HS3ST5: variants seen among roughly 807,000 people sequenced by gnomAD.
HS3ST5 encodes the protein heparan sulfate glucosamine 3-O-sulfotransferase 5.
HS3ST5 carries 10 observed loss-of-function variants against 25.4 expected under a neutral mutation model. The observed-to-expected ratio is 0.39, with a 90% CI of 0.24 to 0.67. The LOEUF is 0.67. Ranked by LOEUF, HS3ST5 falls within the 30% of genes least tolerant of loss-of-function variation. The pLI, the probability that HS3ST5 is intolerant of heterozygous loss-of-function variation, is 0.44. For synonymous variants in HS3ST5, 170 were observed against 162.4 expected (o/e 1.05, Z -0.36); for missense variants, 324 against 420.7 (o/e 0.77, Z 2.01).
At chr6:114,287,542 C>A (rs1774390008) in intron 1 of HS3ST5, among the ~76,000 whole-genome samples, 1 of 151,978 alleles carries the variant, frequency 6.6e-6, no homozygotes, top group Non-Finnish European at 1.5e-5. Context: ...GTTGTTTAAT[C>A]CATGTAACAT....
intron 2 of HS3ST5, among the ~76,000 whole-genome samples, chr6:114,195,810 G>T (rs1273529446): frequency 6.6e-6 from 1 of 152,100 alleles, no homozygotes; most frequent in Non-Finnish European, 1.5e-5. Context: ...TCAAACAAAA[G>T]AATAGCCTGA....
At chr6:114,245,106 T>A (rs1294156028) in intron 1 of HS3ST5, among the ~76,000 whole-genome samples, 1 of 152,156 alleles carries the variant, frequency 6.6e-6, no homozygotes, top group Non-Finnish European at 1.5e-5. Flanking sequence ...GTGTAGAAGA[T>A]CTATATTGAA....
intron 1 of HS3ST5, among the ~76,000 whole-genome samples, chr6:114,321,868 C>G (rs113312013): frequency 6.6e-6 from 1 of 152,104 alleles, no homozygotes; most frequent in Non-Finnish European, 1.5e-5. Context: ...GCTAGTCTGA[C>G]ACTTTTTGCT....
At position 114,328,556 on chromosome 6, in the gene HS3ST5, A is replaced by G. The variant is rs574811118; in HGVS notation, c.-339+13639T>C. Among the ~76,000 whole-genome samples the G allele has an allele frequency of 8.4e-4, 128 of 152,374 alleles. 1 individual carries two copies. The highest frequency in any genetic ancestry group is 1.4e-3 in the Non-Finnish European group (98 of 68,038). On this transcript the variant is annotated intron_variant, in intron 1 of 4. Coordinates refer to ENST00000312719, the MANE Select transcript of HS3ST5 (RefSeq NM_153612.4). ...TGTCTTTCTTTCTTTTTGTAAAACC[A>G]TAGACACTCCCACGTAGCACAAGCT...
chr6:114,252,719 C>A (rs1196904222), intron 1 of HS3ST5, among the ~76,000 whole-genome samples: 1 of 152,096 alleles, frequency 6.6e-6, no homozygotes, highest in Non-Finnish European at 1.5e-5. Context: ...AAAGCACCAT[C>A]ATCTTTGGGT....
intron 2 of HS3ST5, among the ~76,000 whole-genome samples, chr6:114,215,203 G>A (rs1781696527): frequency 6.6e-6 from 1 of 152,070 alleles, no homozygotes; most frequent in African/African-American, 2.4e-5. Context: ...CTTCTCGGGA[G>A]GCTGAGGCAG....
At chr6:114,136,298 T>C (rs895783634) in intron 3 of HS3ST5, among the ~76,000 whole-genome samples, 57 of 152,144 alleles carry the variant, frequency 3.7e-4, no homozygotes, top group African/African-American at 1.2e-3. Context: ...GTTCTTGTGA[T>C]AGTGAATAAG....
intron 3 of HS3ST5, among the ~76,000 whole-genome samples, chr6:114,071,402 C>T (rs1773818678): frequency 6.6e-6 from 1 of 152,158 alleles, no homozygotes; most frequent in Non-Finnish European, 1.5e-5. Flanking sequence ...GAAAGTCTTT[C>T]TTGATCATTT....
At chr6:114,209,816 C>G (rs537708248) in intron 2 of HS3ST5, among the ~76,000 whole-genome samples, 1 of 152,200 alleles carries the variant, frequency 6.6e-6, no homozygotes, top group East Asian at 1.9e-4. Flanking sequence ...AATACAAACA[C>G]ACACATATGA....
chr6:114,071,878 T>C (rs2114734303), intron 3 of HS3ST5, among the ~76,000 whole-genome samples: 1 of 152,362 alleles, frequency 6.6e-6, no homozygotes, highest in Non-Finnish European at 1.5e-5. Flanking sequence ...ATTACTTTTA[T>C]GGAACCATTA....
At chr6:114,255,252 AT>A (rs1772853013) in intron 1 of HS3ST5, among the ~76,000 whole-genome samples, 1 of 152,190 alleles carries the variant, frequency 6.6e-6, no homozygotes, top group African/African-American at 2.4e-5. Flanking sequence ...AATGATCTCC[AT>A]TGACTCCATG....
chr6:114,142,447 C>G (rs957157970), intron 3 of HS3ST5, among the ~76,000 whole-genome samples: 9 of 152,122 alleles, frequency 5.9e-5, no homozygotes, highest in African/African-American at 2.2e-4. Flanking sequence ...GTGGCAGGCT[C>G]ACGAGTGAGT....
intron 3 of HS3ST5, among the ~76,000 whole-genome samples, chr6:114,065,764 A>C (rs1192622780): frequency 6.6e-6 from 1 of 152,224 alleles, no homozygotes; most frequent in Non-Finnish European, 1.5e-5. Context: ...GGGAAAAATA[A>C]AGGAAAAATG....
intron 1 of HS3ST5, among the ~76,000 whole-genome samples, chr6:114,268,245 GTT>G (rs1195246534): frequency 6.6e-6 from 1 of 151,776 alleles, no homozygotes; most frequent in Non-Finnish European, 1.5e-5. Context: ...AGGTATACGG[GTT>G]TACTCAGTTC....
intron 3 of HS3ST5, among the ~76,000 whole-genome samples, chr6:114,112,126 C>A (rs1582613681): frequency 1.3e-5 from 2 of 152,110 alleles, no homozygotes; most frequent in East Asian, 3.9e-4. Flanking sequence ...ATAATGGCTA[C>A]CTAAAGATGC....
chr6:114,328,627 C>T (rs187796225), intron 1 of HS3ST5, among the ~76,000 whole-genome samples: 11 of 152,368 alleles, frequency 7.2e-5, no homozygotes, highest in African/African-American at 2.6e-4. Flanking sequence ...GAAAACAGGT[C>T]TTCTAGCTCT....
chr6:114,298,091 A>G (rs921754698), intron 1 of HS3ST5, among the ~76,000 whole-genome samples: 1 of 152,232 alleles, frequency 6.6e-6, no homozygotes, highest in African/African-American at 2.4e-5. Context: ...TTAATGTGCT[A>G]TTTTAATGTT....
intron 1 of HS3ST5, among the ~76,000 whole-genome samples, chr6:114,276,631 CAAAA>C (rs1184625873): frequency 6.8e-6 from 1 of 147,320 alleles, no homozygotes; most frequent in African/African-American, 2.5e-5. Context: ...AACAAAAAAA[CAAAA>C]AAACTCTCAA....
At chr6:114,181,766 G>GTTC (rs1253612732) in intron 2 of HS3ST5, among the ~76,000 whole-genome samples, 1 of 152,160 alleles carries the variant, frequency 6.6e-6, no homozygotes, top group African/African-American at 2.4e-5. Flanking sequence ...ATGTCAAGGA[G>GTTC]TTCTGCTGCA....
Sources: gnomAD v4.1 joint callset for allele counts (sites outside exome capture counted in the v4.1 genomes callset) on GRCh38, gnomAD v4.1.1 for gene constraint, MANE v1.5 for transcripts, NCBI Gene and HGNC (gene_info 2026-07-23, HGNC 2026-07-21) for gene names.